Variants in FAAP100 observed in about 807,000 individuals in gnomAD.
FAAP100 encodes Fanconi anemia core complex-associated protein 100.
A neutral mutation model predicts 65.8 loss-of-function variants in FAAP100; 46 were observed. The observed-to-expected ratio is 0.70, with a 90% CI of 0.55 to 0.89. The LOEUF (loss-of-function observed/expected upper bound fraction) is 0.89. Ranked by LOEUF, FAAP100 falls within the 40% of genes least tolerant of loss-of-function variation. FAAP100 has a pLI of 0.00. For synonymous variants in FAAP100, 663 were observed against 555.1 expected, an observed-to-expected ratio of 1.19 and a Z score of -2.73; for missense variants, 1,165 against 1,196.7, an observed-to-expected ratio of 0.97 and a Z score of 0.39.
At chr17:81,548,767 C>A (rs986099241) in intron 4 of FAAP100, among the ~76,000 whole-genome samples, 1 of 151,514 alleles carries the variant, frequency 6.6e-6, no homozygotes, top group Non-Finnish European at 1.5e-5. Flanking sequence ...GGGTCGGGCC[C>A]GGTGGCTGAC....
In FAAP100 at chr17:81,547,261, C is replaced by T; in HGVS notation, c.1821G>A (p.Arg607=). The change falls in exon 5 of 9, where the codon AGG becomes AGA. Residue 607 remains arginine, a synonymous_variant. Transcript: ENST00000327787. ...GGGCAAGGGCCCCGCCCACCACCTC[C>T]CTGAGACTGTAGAACAGCGTGCAGG... ...TVSCTLFYSL[R]EVVGGALAPS... is the part of the protein sequence containing the mutation. 1 of 1,602,666 alleles carries T rather than the reference C, an allele frequency of 6.2e-7. No individual in the cohort carries two copies. Among genetic ancestry groups the T allele is most frequent in the African/African-American group, 1.3e-5 (1 of 74,890 alleles).
At chr17:81,547,976 G>A in intron 4 of FAAP100, 4 of 703,174 alleles carry the variant, frequency 5.7e-6, no homozygotes, top group Admixed American at 2.0e-5. Flanking sequence ...AATCTGCCAG[G>A]TATGAGAAGC....
intron 5 of FAAP100, 112 bp from the exon 6 acceptor site, chr17:81,545,994 T>A: frequency 7.3e-7 from 1 of 1,364,182 alleles, no homozygotes; most frequent in Non-Finnish European, 9.7e-7. Context: ...CCCAGAGCCA[T>A]CTAAGCATCC....
At chr17:81,541,638 TTC>T (rs2033100186) in intron 7 of FAAP100, among the ~76,000 whole-genome samples, 3 of 152,348 alleles carry the variant, frequency 2.0e-5, no homozygotes, top group Admixed American at 1.3e-4. Context: ...TTTGGTTCTT[TTC>T]TCTCCATCGC....
intron 5 of FAAP100, chr17:81,546,358 A>C (rs1399566089): frequency 6.1e-6 from 1 of 164,860 alleles, no homozygotes; most frequent in African/African-American, 2.4e-5. Flanking sequence ...GGACAGACAC[A>C]AAGAAGGGAC....
Position 81,551,956 on chromosome 17 carries a change from G to T in FAAP100, c.262C>A (p.Leu88Met). The T allele has an allele frequency of 6.4e-7, 1 of 1,564,390 alleles. No homozygotes were observed. The highest frequency in any genetic ancestry group is 8.6e-7 in the Non-Finnish European group (1 of 1,164,202). Residue 88 changes from leucine (L) to methionine (M), a missense_variant, in exon 2 of 9, where the codon CTG becomes ATG. By Grantham distance (15) the Leu-to-Met change is conservative. Transcript: ENST00000327787. ...CTCCTGCCCGGGTGGTCCAGCGACAGGCAGTAGAGGCCCCTCCGGGCGCAC... is the reference window on the plus strand; with the variant it reads ...CTCCTGCCCGGGTGGTCCAGCGACATGCAGTAGAGGCCCCTCCGGGCGCAC... ...ALCARRGLYCLSLDHPGRSRS... is the reference protein window; with the variant it reads ...ALCARRGLYCMSLDHPGRSRS...
At position 81,547,206 on chromosome 17, in the gene FAAP100, C is replaced by T. The variant is rs547119438; in HGVS notation, c.1876G>A (p.Glu626Lys). Reference sequence around the variant, plus strand: ...TCGGGCAGGACGTCGGAGGGGCACTCATCCAGAAAGGGGTCCTCAGAGTCT... The same window carrying T: ...TCGGGCAGGACGTCGGAGGGGCACTTATCCAGAAAGGGGTCCTCAGAGTCT... Reference protein sequence around the residue: ...PSDSEDPFLDECPSDVLPEQE... With the variant: ...PSDSEDPFLDKCPSDVLPEQE... Residue 626 changes from glutamate to lysine, a missense_variant, in exon 5 of 9, where the codon GAG (glutamate) becomes AAG (lysine). By Grantham distance (56) the Glu-to-Lys change is moderately conservative. Transcript: ENST00000327787. The T allele has an allele frequency of 1.3e-6, 2 of 1,565,032 alleles. No individual in the cohort carries two copies. The highest frequency in any genetic ancestry group is 4.5e-5 in the East Asian group (2 of 44,392).
chr17:81,542,578 A>G (rs2033155811), intron 7 of FAAP100, among the ~76,000 whole-genome samples: 1 of 152,058 alleles, frequency 6.6e-6, no homozygotes, highest in South Asian at 2.1e-4. Context: ...GCGGGCACCT[A>G]GCTGTTGGGG....
At chr17:81,547,810 G>C (rs746074317) in intron 4 of FAAP100, 132 bp from the exon 5 acceptor site, 5 of 1,119,488 alleles carry the variant, frequency 4.5e-6, no homozygotes, top group South Asian at 1.3e-5. Flanking sequence ...AGCCACGCCA[G>C]AGAGTGAGCC....
chr17:81,546,853 CT>C, intron 5 of FAAP100, 55 bp downstream of exon 5: 1 of 1,318,694 alleles, frequency 7.6e-7, no homozygotes, highest in Non-Finnish European at 9.8e-7. Context: ...GTTCCTGTCT[CT>C]TAAAAAAAAA....
chr17:81,546,565 G>A (rs1425237338), intron 5 of FAAP100: 3 of 275,040 alleles, frequency 1.1e-5, no homozygotes, highest in Non-Finnish European at 2.0e-5. Context: ...ATGGTGAGAG[G>A]GCTCCACATA....
At chr17:81,544,467 T>C (rs1367958966) in intron 6 of FAAP100, among the ~76,000 whole-genome samples, 2 of 152,158 alleles carry the variant, frequency 1.3e-5, no homozygotes, top group African/African-American at 4.8e-5. Flanking sequence ...GTGGACAACC[T>C]ACATGTAGAT....
In FAAP100 at chr17:81,540,711, C is replaced by T; in HGVS notation, c.*108G>A. 1 of 1,359,880 alleles carries T rather than the reference C, an allele frequency of 7.4e-7. No individual in the cohort carries two copies. The highest frequency in any genetic ancestry group is 9.6e-7 in the Non-Finnish European group (1 of 1,043,630). 84.2% of individuals were successfully genotyped at this position (1,359,880 alleles called of 1,614,324 possible). A position where few individuals can be genotyped will look rare whatever the true frequency, so the allele number is the denominator to read the frequency against. On this transcript the variant is annotated 3_prime_UTR_variant, in exon 9 of 9. Coordinates refer to ENST00000327787, the MANE Select transcript of FAAP100 (RefSeq NM_025161.6). The stretch of plus-strand genomic sequence containing the variant: ...CCTACGTGGCCAGGTCCTACCTTCC[C>T]TGACGGCTCTGGCCAGGCCAGCTCG...
At chr17:81,546,638 G>A (rs1425188373) in intron 5 of FAAP100, 1 of 376,084 alleles carries the variant, frequency 2.7e-6, no homozygotes, top group Non-Finnish European at 4.7e-6. Flanking sequence ...GAGCTCGCTG[G>A]GCTGGGGGGC....
chr17:81,548,017 CG>C lies in FAAP100; in HGVS notation c.1404-340del, dbSNP rs1568096884. On this transcript the variant is annotated intron_variant, in intron 4 of 8. Transcript: ENST00000327787. Reference sequence around the variant, plus strand: ...ACCCACATCTGGGCCACGCAGGGGCCGGGTGGTGCATTACCCCACCCTTGGC... The same window carrying C: ...ACCCACATCTGGGCCACGCAGGGGCCGGTGGTGCATTACCCCACCCTTGGC... 1.0e-5 allele frequency: 7 copies of C among 696,578 alleles called. No homozygotes were observed. In the Admixed American group the frequency reaches 1.2e-4, roughly 12 times the overall value. 43.1% of individuals were successfully genotyped at this position (696,578 alleles called of 1,614,324 possible). A position where few individuals can be genotyped will look rare whatever the true frequency, so the allele number is the denominator to read the frequency against.
At chr17:81,551,551 C>T (rs1414077433) in intron 2 of FAAP100, among the ~76,000 whole-genome samples, 1 of 152,252 alleles carries the variant, frequency 6.6e-6, no homozygotes, top group Non-Finnish European at 1.5e-5. Flanking sequence ...AGCTCGCTTC[C>T]TTCCAACCCA....
intron 7 of FAAP100, among the ~76,000 whole-genome samples, chr17:81,541,951 A>C (rs2033109585): frequency 6.6e-6 from 1 of 152,006 alleles, no homozygotes; most frequent in Non-Finnish European, 1.5e-5. Context: ...GGATAACTTA[A>C]GGTCAGGAGA....
chr17:81,550,703 G>C lies in FAAP100; in HGVS notation c.791C>G (p.Ala264Gly). 6 of 1,613,000 alleles carry C rather than the reference G, an allele frequency of 3.7e-6. No homozygotes were observed. The highest frequency in any genetic ancestry group is 5.1e-6 in the Non-Finnish European group (6 of 1,179,992). ...ILKALVTSRSAPGDPNALVKI... is the reference protein window; with the variant it reads ...ILKALVTSRSGPGDPNALVKI... ...GACAAGGGCATTTGGGTCACCAGGG[G>C]CTGACCTGGAGGTGACCAGGGCCTT... Residue 264 changes from alanine to glycine, a missense_variant, in exon 3 of 9, where the codon GCC becomes GGC. Transcript: ENST00000327787.
At chr17:81,551,764 G>A in intron 2 of FAAP100, 164 bp downstream of exon 2, 1 of 1,373,558 alleles carries the variant, frequency 7.3e-7, no homozygotes. Context: ...TGCAGAAAGA[G>A]TGCTGGGGGC....
Sources: gnomAD v4.1 joint callset for allele counts (sites outside exome capture counted in the v4.1 genomes callset) on GRCh38, gnomAD v4.1.1 for gene constraint, MANE v1.5 for transcripts, NCBI Gene and HGNC (gene_info 2026-07-23, HGNC 2026-07-21) for gene names.